Variants in CYP2J2 observed in about 807,000 individuals in gnomAD.
CYP2J2 encodes the protein cytochrome P450 2J2.
A neutral mutation model predicts 48.8 loss-of-function variants in CYP2J2; 41 were observed. That is an observed-to-expected ratio of 0.84 (90% CI 0.66 to 1.09). The LOEUF is 1.09. Ranked by LOEUF, CYP2J2 falls within the 50% of genes least tolerant of loss-of-function variation. CYP2J2 has a pLI of 0.00. For synonymous variants in CYP2J2, 221 were observed against 227.1 expected (o/e 0.97, Z 0.24); for missense variants, 644 against 617.3 (o/e 1.04, Z -0.46).
At chr1:59,907,523 T>A (rs924430374) in intron 6 of CYP2J2, among the ~76,000 whole-genome samples, 5 of 152,210 alleles carry the variant, frequency 3.3e-5, no homozygotes, top group Admixed American at 1.3e-4. Context: ...TGGAACTATC[T>A]CAATGTCGAC....
At chr1:59,955,173 T>A in the CYP2J2 span, among the ~76,000 whole-genome samples, 15 of 125,540 alleles carry the variant, frequency 1.2e-4, no homozygotes, top group South Asian at 2.3e-4. Flanking sequence ...AAATAAATAA[T>A]TAAAAAAATA....
At chr1:59,931,327 C>G (rs1644601665), upstream of CYP2J2, among the ~76,000 whole-genome samples, 1 of 152,050 alleles carries the variant, frequency 6.6e-6, no homozygotes, top group Non-Finnish European at 1.5e-5. Context: ...TTCTGGGGAG[C>G]CTAGTCTTAG....
At chr1:59,933,356 A>G in the CYP2J2 span, among the ~76,000 whole-genome samples, 4 of 152,236 alleles carry the variant, frequency 2.6e-5, no homozygotes, top group Non-Finnish European at 5.9e-5. Context: ...TAGAAAACAG[A>G]TAAGAATAGG....
intron 6 of CYP2J2, 145 bp downstream of exon 6, chr1:59,907,641 T>C: frequency 4.0e-6 from 3 of 741,398 alleles, no homozygotes; most frequent in Non-Finnish European, 6.5e-6. Flanking sequence ...ATATGAAGAA[T>C]GTGCAGTTTC....
At chr1:59,896,784 A>G (rs1049725018) in intron 8 of CYP2J2, among the ~76,000 whole-genome samples, 2 of 152,252 alleles carry the variant, frequency 1.3e-5, no homozygotes, top group African/African-American at 4.8e-5. Context: ...CATGAAAAAG[A>G]AAGTTATAAA....
chr1:59,939,771 G>C, the CYP2J2 span, among the ~76,000 whole-genome samples: 15 of 152,242 alleles, frequency 9.9e-5, no homozygotes, highest in African/African-American at 3.6e-4. Flanking sequence ...ACTGCACCTG[G>C]GCTGGAACTA....
intron 7 of CYP2J2, among the ~76,000 whole-genome samples, chr1:59,902,888 G>A (rs1644332796): frequency 6.6e-6 from 1 of 152,204 alleles, no homozygotes; most frequent in Non-Finnish European, 1.5e-5. Flanking sequence ...GAGAGTGGGA[G>A]GAGGCAGAGC....
Position 59,926,704 on chromosome 1 carries a change from C to G in CYP2J2, c.43G>C (p.Val15Leu). The G allele has an allele frequency of 1.9e-6, 3 of 1,613,864 alleles. No homozygotes were observed. The highest frequency in any genetic ancestry group is 3.3e-4 in the Middle Eastern group (2 of 6,034). The change falls in exon 1 of 9, where the codon GTG becomes CTG. Residue 15 changes from valine to leucine, a missense_variant. Val to Leu is a conservative substitution (Grantham distance 32). Coordinates refer to ENST00000371204, the MANE Select transcript of CYP2J2 (RefSeq NM_000775.4). ...AGTAGGAGAGTCCGAGGATGGACCA[C>G]TGCCCAGAGGGCAGCCGCCAGAGAG... ...MGSLAAALWA[V>L]VHPRTLLLGT...
At chr1:59,950,665 A>G in the CYP2J2 span, among the ~76,000 whole-genome samples, 1 of 152,132 alleles carries the variant, frequency 6.6e-6, no homozygotes. Flanking sequence ...TTTGCTCCCA[A>G]TTCTATGGGC....
upstream of CYP2J2, among the ~76,000 whole-genome samples, chr1:59,931,431 T>G (rs1415903661): frequency 1.3e-5 from 2 of 152,022 alleles, no homozygotes; most frequent in Non-Finnish European, 2.9e-5. Flanking sequence ...GAGTTGATAT[T>G]TAAAAAAGGA....
upstream of CYP2J2, among the ~76,000 whole-genome samples, chr1:59,927,933 T>G (rs1018884376): frequency 1.1e-4 from 16 of 152,322 alleles, no homozygotes; most frequent in African/African-American, 3.6e-4. Context: ...AGAGCTTAGC[T>G]TTTATCCTTC....
At chr1:59,906,302 A>G (rs921453669) in intron 6 of CYP2J2, among the ~76,000 whole-genome samples, 9 of 152,206 alleles carry the variant, frequency 5.9e-5, no homozygotes, top group African/African-American at 2.2e-4. Flanking sequence ...AAGGATATGC[A>G]CTTCCTTCCC....
At chr1:59,921,938 A>G (rs1644519446) in intron 1 of CYP2J2, among the ~76,000 whole-genome samples, 1 of 152,150 alleles carries the variant, frequency 6.6e-6, no homozygotes, top group African/African-American at 2.4e-5. Flanking sequence ...CTTCATCCCC[A>G]TGTGACCATC....
intron 1 of CYP2J2, among the ~76,000 whole-genome samples, chr1:59,925,623 C>A (rs977862060): frequency 3.9e-5 from 6 of 152,178 alleles, no homozygotes; most frequent in African/African-American, 1.4e-4. Context: ...GTGGCTAATT[C>A]TGTCACTTAG....
intron 1 of CYP2J2, among the ~76,000 whole-genome samples, chr1:59,917,492 T>C (rs1644476719): frequency 6.6e-6 from 1 of 152,222 alleles, no homozygotes; most frequent in African/African-American, 2.4e-5. Flanking sequence ...TATTGAGTGG[T>C]GCAGGGAATT....
chr1:59,909,385 T>C (rs1644391607), intron 5 of CYP2J2, among the ~76,000 whole-genome samples: 1 of 152,134 alleles, frequency 6.6e-6, no homozygotes, highest in South Asian at 2.1e-4. Flanking sequence ...AGTGTTATCA[T>C]AATAGTCTTT....
At chr1:59,934,419 ACAAT>A in the CYP2J2 span, among the ~76,000 whole-genome samples, 1 of 152,310 alleles carries the variant, frequency 6.6e-6, no homozygotes, top group East Asian at 1.9e-4. Flanking sequence ...AACAAAGGAA[ACAAT>A]CAATGCAGTG....
At chr1:59,932,625 CTG>C in the CYP2J2 span, among the ~76,000 whole-genome samples, 1 of 151,282 alleles carries the variant, frequency 6.6e-6, no homozygotes, top group Admixed American at 6.6e-5. Context: ...AGGCCAGAAA[CTG>C]AGATATACAT....
the CYP2J2 span, among the ~76,000 whole-genome samples, chr1:59,967,457 G>A: frequency 6.6e-6 from 1 of 152,210 alleles, no homozygotes; most frequent in Non-Finnish European, 1.5e-5. Context: ...CAAGCAGCAG[G>A]GACAGGGATT....
Sources: gnomAD v4.1 joint callset for allele counts (sites outside exome capture counted in the v4.1 genomes callset) on GRCh38, gnomAD v4.1.1 for gene constraint, MANE v1.5 for transcripts, NCBI Gene and HGNC (gene_info 2026-07-23, HGNC 2026-07-21) for gene names.